CPQ: variants seen among roughly 807,000 people sequenced by gnomAD.
CPQ encodes the protein carboxypeptidase Q, also known as Ser-Met dipeptidase.
Under a neutral mutation model 45.7 loss-of-function variants are expected in CPQ, and 37 were observed. The ratio of observed to expected loss-of-function variants is 0.81; its 90% CI spans 0.62 to 1.07. The LOEUF is 1.07. CPQ is among the 50% of genes least tolerant of loss of function. CPQ has a pLI of 0.00. For missense variants in CPQ, 537 were observed against 572.9 expected (o/e 0.94, Z 0.64); for synonymous variants, 186 against 205.8 (o/e 0.90, Z 0.82).
chr8:96,869,306 T>C (rs1223506004), intron 3 of CPQ, among the ~76,000 whole-genome samples: 1 of 152,062 alleles, frequency 6.6e-6, no homozygotes, highest in Admixed American at 6.6e-5. Flanking sequence ...CCAAAACTGT[T>C]AACAGCACTG....
At chr8:96,944,668 C>T (rs1054327135) in intron 4 of CPQ, among the ~76,000 whole-genome samples, 9 of 152,086 alleles carry the variant, frequency 5.9e-5, no homozygotes, top group South Asian at 2.1e-4. Context: ...GTTGAACAAA[C>T]GGCATTAATT....
chr8:96,853,007 T>C (rs1384528385), intron 3 of CPQ, among the ~76,000 whole-genome samples: 1 of 152,248 alleles, frequency 6.6e-6, no homozygotes, highest in Non-Finnish European at 1.5e-5. Flanking sequence ...TGGGCACATA[T>C]TTGAAGAAGT....
At chr8:96,772,103 AAG>A (rs1810550740) in intron 1 of CPQ, among the ~76,000 whole-genome samples, 1 of 152,092 alleles carries the variant, frequency 6.6e-6, no homozygotes, top group South Asian at 2.1e-4. Context: ...ATTTCTTTAG[AAG>A]AGAGATAACT....
rs1211283366 is a variant in CPQ at position 97,122,974 on chromosome 8, A to AAT, written c.1256-20044_1256-20043dup. ...AATAAAATAAAATAAAATAAAATAA[A>AAT]ATAAAATTAAAATAAAATAAAATAA... On this transcript the variant is annotated intron_variant, in intron 7 of 7. Coordinates refer to ENST00000220763, the MANE Select transcript of CPQ (RefSeq NM_016134.4). Among the ~76,000 whole-genome samples the AAT allele has an allele frequency of 4.8e-4, 40 of 82,738 alleles. 4 individuals are homozygous for AAT. Among genetic ancestry groups the AAT allele is most frequent in the South Asian group, 7.2e-4 (2 of 2,794 alleles). The allele number at this position is 82,738 out of a possible 152,430, so 54.3% of individuals were successfully genotyped here.
At chr8:97,136,252 C>T (rs775976814) in intron 7 of CPQ, among the ~76,000 whole-genome samples, 2 of 152,092 alleles carry the variant, frequency 1.3e-5, no homozygotes, top group Non-Finnish European at 2.9e-5. Flanking sequence ...AGGGTCAAGG[C>T]AGTCATATAG....
In CPQ at chr8:96,971,384, C is replaced by A. The variant is rs139561443; in HGVS notation, c.961+5338C>A. On this transcript the variant is annotated intron_variant, in intron 5 of 7. Coordinates refer to ENST00000220763, the MANE Select transcript of CPQ (RefSeq NM_016134.4). ...TCCACACTATCTGAGTCTATTTTTT[C>A]AAAATGAACGTAGTATTATTGGAAA... is the stretch of plus-strand genomic sequence containing the variant. 7.9e-3 allele frequency among the ~76,000 whole-genome samples: 1,206 copies of A among 152,230 alleles called. 8 individuals are homozygous for A. The highest frequency in any genetic ancestry group is 0.01 in the Non-Finnish European group (712 of 68,002).
intron 1 of CPQ, among the ~76,000 whole-genome samples, chr8:96,711,427 G>A (rs113910742): frequency 0.024 from 3,653 of 152,184 alleles, 159 homozygotes; most frequent in African/African-American, 0.083. Flanking sequence ...GTCTGTATTA[G>A]TCTGTTCTCA....
At chr8:97,098,109 CTAG>C (rs1811240114) in intron 7 of CPQ, among the ~76,000 whole-genome samples, 1 of 152,126 alleles carries the variant, frequency 6.6e-6, no homozygotes, top group South Asian at 2.1e-4. Context: ...AGAGGGCCTC[CTAG>C]TAGATTGATG....
At chr8:96,689,473 G>A (rs750545754) in intron 1 of CPQ, among the ~76,000 whole-genome samples, 3 of 152,104 alleles carry the variant, frequency 2.0e-5, no homozygotes, top group African/African-American at 7.2e-5. Context: ...TAGTCATTTT[G>A]CCAGAGATTT....
At chr8:96,767,189 C>T (rs1178154575) in intron 1 of CPQ, among the ~76,000 whole-genome samples, 2 of 152,140 alleles carry the variant, frequency 1.3e-5, no homozygotes, top group African/African-American at 2.4e-5. Flanking sequence ...AAATCAAACG[C>T]ACTACGTTTA....
At chr8:96,809,162 T>C (rs1305894835) in intron 2 of CPQ, among the ~76,000 whole-genome samples, 1 of 151,972 alleles carries the variant, frequency 6.6e-6, no homozygotes, top group Non-Finnish European at 1.5e-5. Context: ...TATATGCTTA[T>C]TATACATATA....
At chr8:96,893,826 G>T (rs192619010) in intron 4 of CPQ, among the ~76,000 whole-genome samples, 7 of 152,236 alleles carry the variant, frequency 4.6e-5, no homozygotes, top group Admixed American at 3.3e-4. Context: ...GTGAAGTAAT[G>T]AGAGCAATTT....
intron 1 of CPQ, among the ~76,000 whole-genome samples, chr8:96,745,599 A>T (rs769360470): frequency 7.9e-5 from 12 of 152,182 alleles, no homozygotes; most frequent in Non-Finnish European, 1.6e-4. Flanking sequence ...GGTGAGAAAA[A>T]TGAGGCTCAG....
chr8:97,010,318 G>A (rs1809466705), intron 5 of CPQ, among the ~76,000 whole-genome samples: 1 of 152,102 alleles, frequency 6.6e-6, no homozygotes, highest in South Asian at 2.1e-4. Context: ...GGGCATTGGA[G>A]TAAAAATATA....
intron 4 of CPQ, among the ~76,000 whole-genome samples, chr8:96,931,905 A>G (rs4644202): frequency 0.65 from 98,479 of 152,078 alleles, 34,070 homozygotes; most frequent in African/African-American, 0.91. Context: ...TTGAATCATC[A>G]TTACAGATCC....
chr8:96,786,090 TCA>T (rs1810765221), intron 2 of CPQ, among the ~76,000 whole-genome samples: 1 of 152,140 alleles, frequency 6.6e-6, no homozygotes, highest in African/African-American at 2.4e-5. Context: ...TTTAATATAT[TCA>T]CAGAGTTGTG....
chr8:96,717,976 T>C (rs1271148024), intron 1 of CPQ, among the ~76,000 whole-genome samples: 1 of 152,188 alleles, frequency 6.6e-6, no homozygotes, highest in Non-Finnish European at 1.5e-5. Context: ...AGTGTTCCAC[T>C]AGCAGCAGCT....
chr8:96,684,618 G>C (rs1368368176), intron 1 of CPQ, among the ~76,000 whole-genome samples: 2 of 152,152 alleles, frequency 1.3e-5, no homozygotes, highest in East Asian at 3.9e-4. Flanking sequence ...AGTGGATAGG[G>C]TAGCCCTGTC....
rs117672549 is a variant in CPQ at position 96,725,413 on chromosome 8, G to A, written c.-34-59451G>A. On this transcript the variant is annotated intron_variant, in intron 1 of 7. Transcript: ENST00000220763. ...CAAAAACTAATAACCTCATTAAAAC[G>A]TGGGCAAAGGACGTGAACAGACACT... Among the ~76,000 whole-genome samples, 304 of 152,208 alleles carry A rather than the reference G, an allele frequency of 2.0e-3. 7 individuals carry two copies. In the East Asian group the frequency reaches 0.047, roughly 23 times the overall value.
Sources: allele counts gnomAD v4.1 joint callset (sites outside exome capture counted in the v4.1 genomes callset), GRCh38; gene constraint gnomAD v4.1.1; transcripts MANE v1.5; gene names NCBI Gene and HGNC (gene_info 2026-07-23, HGNC 2026-07-21).